Variants in RNF212B observed in about 807,000 individuals in gnomAD.
The protein encoded by RNF212B is E3 ubiquitin-protein ligase RNF212B.
In RNF212B, 52 loss-of-function variants were observed where a neutral mutation model predicts 55.5. The observed-to-expected ratio is 0.94, with a 90% CI of 0.75 to 1.18. The LOEUF (loss-of-function observed/expected upper bound fraction) is 1.18, where lower values mean the gene tolerates loss of function less well. RNF212B is among the 50% of genes most tolerant of loss of function. The pLI is 0.00. For synonymous variants in RNF212B, 99 were observed against 121.4 expected (o/e 0.82, Z 1.21); for missense variants, 289 against 350.4 (o/e 0.82, Z 1.40).
At chr14:23,228,004 G>C (rs1046781230) in intron 2 of RNF212B, among the ~76,000 whole-genome samples, 2 of 152,120 alleles carry the variant, frequency 1.3e-5, no homozygotes, top group African/African-American at 4.8e-5. Context: ...GCCGAGGCAG[G>C]TGGATCACCT....
At chr14:23,264,096 C>G (rs1299479059) in intron 9 of RNF212B, 78 bp from the exon 10 acceptor site, 2 of 1,275,330 alleles carry the variant, frequency 1.6e-6, no homozygotes, top group East Asian at 5.1e-5. Flanking sequence ...TGAAAAAAAC[C>G]AAAACAAAAA....
chr14:23,264,970 T>C (rs915403818), intron 11 of RNF212B, among the ~76,000 whole-genome samples: 4 of 152,054 alleles, frequency 2.6e-5, no homozygotes, highest in African/African-American at 9.7e-5. Context: ...TACAGGCATG[T>C]GCCACCACGC....
chr14:23,230,767 T>G (rs916732536), intron 2 of RNF212B, among the ~76,000 whole-genome samples: 1 of 152,110 alleles, frequency 6.6e-6, no homozygotes, highest in Non-Finnish European at 1.5e-5. Flanking sequence ...CATTTAGGTC[T>G]TTGATCCATT....
chr14:23,263,575 C>T (rs1445271820), intron 9 of RNF212B, among the ~76,000 whole-genome samples: 1 of 152,096 alleles, frequency 6.6e-6, no homozygotes, highest in African/African-American at 2.4e-5. Flanking sequence ...GACATAAAAA[C>T]GAATTTGTTT....
intron 3 of RNF212B, 111 bp downstream of exon 3, chr14:23,243,419 G>C: frequency 9.9e-7 from 1 of 1,015,022 alleles, no homozygotes; most frequent in South Asian, 1.5e-5. Flanking sequence ...AAGAAGACCG[G>C]GCGTGGTGGC....
intron 12 of RNF212B, among the ~76,000 whole-genome samples, chr14:23,269,339 C>A (rs541208915): frequency 1.3e-5 from 2 of 152,130 alleles, no homozygotes; most frequent in East Asian, 3.9e-4. Flanking sequence ...TGCCAGCAGT[C>A]CTGGGATTAC....
intron 2 of RNF212B, among the ~76,000 whole-genome samples, chr14:23,221,494 C>T (rs1174699275): frequency 6.6e-6 from 1 of 152,062 alleles, no homozygotes; most frequent in Non-Finnish European, 1.5e-5. Flanking sequence ...ATATATAAAG[C>T]AAATATTATT....
intron 1 of RNF212B, among the ~76,000 whole-genome samples, chr14:23,190,999 C>A (rs1380134399): frequency 6.6e-6 from 1 of 152,188 alleles, no homozygotes; most frequent in Admixed American, 6.5e-5. Flanking sequence ...TTTCTCACAT[C>A]ATGCACATCC....
At chr14:23,208,116 G>C (rs1880029065) in intron 2 of RNF212B, among the ~76,000 whole-genome samples, 1 of 152,116 alleles carries the variant, frequency 6.6e-6, no homozygotes, top group Admixed American at 6.6e-5. Flanking sequence ...TAGTGATTTG[G>C]GGGCCCCAAG....
intron 2 of RNF212B, among the ~76,000 whole-genome samples, chr14:23,230,649 A>G (rs178759): frequency 0.51 from 62,232 of 123,046 alleles, 15,881 homozygotes; most frequent in African/African-American, 0.67. Context: ...GCGAGACTCC[A>G]TCTCAAAAAA....
chr14:23,234,093 C>T (rs140073001), upstream of RNF212B, among the ~76,000 whole-genome samples: 5 of 151,886 alleles, frequency 3.3e-5, no homozygotes, highest in African/African-American at 4.8e-5. Context: ...ACCATGTGTA[C>T]GAAGGAACAC....
At chr14:23,186,254 C>T (rs1002732527) in intron 1 of RNF212B, among the ~76,000 whole-genome samples, 2 of 152,140 alleles carry the variant, frequency 1.3e-5, no homozygotes, top group East Asian at 3.9e-4. Flanking sequence ...AGGTGACTAA[C>T]ATTGAACACA....
At chr14:23,257,705 T>A (rs1311759274) in intron 4 of RNF212B, among the ~76,000 whole-genome samples, 1 of 152,192 alleles carries the variant, frequency 6.6e-6, no homozygotes, top group Non-Finnish European at 1.5e-5. Flanking sequence ...ATAGACACAT[T>A]AGTATAGCAA....
chr14:23,219,015 T>C (rs1399903755), intron 2 of RNF212B, among the ~76,000 whole-genome samples: 3 of 152,134 alleles, frequency 2.0e-5, no homozygotes, highest in African/African-American at 7.2e-5. Context: ...AGTGAAGACT[T>C]ACAAGCCCGG....
intron 2 of RNF212B, among the ~76,000 whole-genome samples, chr14:23,217,875 T>G (rs1374189627): frequency 6.6e-6 from 1 of 151,860 alleles, no homozygotes; most frequent in Non-Finnish European, 1.5e-5. Context: ...CATGACCTCA[T>G]CAAATGAACT....
At chr14:23,226,776 T>A (rs184044610) in intron 2 of RNF212B, among the ~76,000 whole-genome samples, 10 of 140,700 alleles carry the variant, frequency 7.1e-5, no homozygotes, top group Admixed American at 3.6e-4. Context: ...TCCTCTCCTC[T>A]CTTCTTTTTT....
intron 2 of RNF212B, among the ~76,000 whole-genome samples, chr14:23,203,331 T>C (rs960652194): frequency 6.6e-6 from 1 of 152,126 alleles, no homozygotes; most frequent in Non-Finnish European, 1.5e-5. Flanking sequence ...TGATGGGCAT[T>C]TGGGTTGGTT....
chr14:23,264,270 T>C, intron 10 of RNF212B, 36 bp downstream of exon 10: 1 of 1,461,560 alleles, frequency 6.8e-7, no homozygotes, highest in South Asian at 1.3e-5. Flanking sequence ...CAGATTGAAG[T>C]TTCTAATGCT....
In RNF212B at chr14:23,240,458, A is replaced by G; in HGVS notation, c.100+13A>G. ...TGTGTGACTCTGGGTGAGTGACTCA[A>G]CTGTTTTCAGATTCAGGGAAAAATG... On this transcript the variant is annotated intron_variant, in intron 2 of 14. Transcript: ENST00000430154. The G allele has an allele frequency of 1.3e-6, 2 of 1,505,652 alleles. No homozygotes were observed. The highest frequency in any genetic ancestry group is 1.8e-6 in the Non-Finnish European group (2 of 1,106,976). The allele number at this position is 1,505,652 out of a possible 1,614,324, so 93.3% of individuals were successfully genotyped here.
Sources: gnomAD v4.1 joint callset for allele counts (sites outside exome capture counted in the v4.1 genomes callset) on GRCh38, gnomAD v4.1.1 for gene constraint, MANE v1.5 for transcripts, NCBI Gene and HGNC (gene_info 2026-07-23, HGNC 2026-07-21) for gene names.